CARMIL1: variants seen among roughly 807,000 people sequenced by gnomAD.
The protein encoded by CARMIL1 is F-actin-uncapping protein LRRC16A.
Under a neutral mutation model 177.1 loss-of-function variants are expected in CARMIL1, and 90 were observed. The observed-to-expected ratio is 0.51, with a 90% CI of 0.43 to 0.61. The LOEUF (loss-of-function observed/expected upper bound fraction) is 0.61. Among genes scored for constraint, CARMIL1 ranks in the 20% least tolerant of loss-of-function variants. CARMIL1 has a pLI of 0.00. For synonymous variants in CARMIL1, 577 were observed against 606.2 expected (o/e 0.95, Z 0.71); for missense variants, 1,380 against 1,667.0 (o/e 0.83, Z 3.00).
intron 3 of CARMIL1, among the ~76,000 whole-genome samples, chr6:25,425,623 G>A (rs1035549436): frequency 1.3e-5 from 2 of 152,118 alleles, no homozygotes; most frequent in African/African-American, 2.4e-5. Flanking sequence ...GGGAAAATCC[G>A]GGAAGAAAGA....
rs148458418 is a variant in CARMIL1 at position 25,484,785 on chromosome 6, A to T, written c.961+2442A>T. On this transcript the variant is annotated intron_variant, in intron 12 of 36. Coordinates refer to ENST00000329474, the MANE Select transcript of CARMIL1 (RefSeq NM_017640.6). Reference sequence around the variant, plus strand: ...CTGTTTATAGTGTTAATCTATTTTTAAAAAAGTTTATATGACTTGTGTACA... The same window carrying T: ...CTGTTTATAGTGTTAATCTATTTTTTAAAAAGTTTATATGACTTGTGTACA... 8.8e-3 allele frequency among the ~76,000 whole-genome samples: 1,343 copies of T among 152,316 alleles called. 16 individuals carry two copies. The highest frequency in any genetic ancestry group is 0.023 in the African/African-American group (949 of 41,566).
intron 26 of CARMIL1, 93 bp downstream of exon 26, chr6:25,540,171 T>G (rs1193803645): frequency 5.1e-6 from 6 of 1,185,630 alleles, no homozygotes; most frequent in Non-Finnish European, 6.8e-6. Context: ...TTTTATAGAC[T>G]TGTATGTGTG....
rs141115350 is a variant in CARMIL1, at chr6:25,343,032, A to C, written c.138+58123A>C. On this transcript the variant is annotated intron_variant, in intron 2 of 36. Transcript: ENST00000329474. ...CCTTCTAAAGCGCTCCAGCCTAAGC[A>C]TTGTTTCTTCTTGTTCTGATGTTTT... 2.5e-4 allele frequency among the ~76,000 whole-genome samples: 38 copies of C among 152,272 alleles called. No individual in the cohort carries two copies. The East Asian group carries it at 6.6e-3, about 26-fold the overall frequency.
intron 1 of CARMIL1, among the ~76,000 whole-genome samples, chr6:25,284,244 CTTTTA>C (rs541405669): frequency 1.2e-3 from 185 of 152,184 alleles, no homozygotes; most frequent in African/African-American, 4.1e-3. Flanking sequence ...TTTGTTTTTT[CTTTTA>C]TATGTATCTT....
At chr6:25,562,951 C>T (rs1329319468) in intron 29 of CARMIL1, among the ~76,000 whole-genome samples, 2 of 152,170 alleles carry the variant, frequency 1.3e-5, no homozygotes, top group Non-Finnish European at 2.9e-5. Flanking sequence ...TAAACATGAA[C>T]TATATTAAAT....
At chr6:25,358,595 A>G (rs1223361078) in intron 2 of CARMIL1, among the ~76,000 whole-genome samples, 3 of 152,220 alleles carry the variant, frequency 2.0e-5, no homozygotes, top group African/African-American at 7.2e-5. Context: ...CATAAGGTAT[A>G]TATAAAGTGG....
At chr6:25,290,459 A>G (rs1222700782) in intron 2 of CARMIL1, among the ~76,000 whole-genome samples, 1 of 140,038 alleles carries the variant, frequency 7.1e-6, no homozygotes, top group Non-Finnish European at 1.5e-5. Flanking sequence ...CTTGTTTCCC[A>G]CAGTTCTGCT....
intron 3 of CARMIL1, among the ~76,000 whole-genome samples, chr6:25,421,189 T>C (rs1452659249): frequency 2.0e-5 from 3 of 152,200 alleles, no homozygotes; most frequent in Non-Finnish European, 4.4e-5. Flanking sequence ...CACAGTAACA[T>C]TGTAGATGAG....
rs756423507 is a variant in CARMIL1, at chr6:25,537,887, T to C, written c.2100T>C (p.Asp700=). 44 of 1,610,256 alleles carry C rather than the reference T, an allele frequency of 2.7e-5. No individual in the cohort carries two copies. The East Asian group carries it at 9.8e-4, about 36-fold the overall frequency. The change falls in exon 25 of 37, where the codon GAT becomes GAC. Residue 700 remains aspartate (D), a synonymous_variant. Coordinates refer to ENST00000329474, the MANE Select transcript of CARMIL1 (RefSeq NM_017640.6). ...MIDRICVKVQ[D]HLNSLRNCGG... is the part of the protein sequence containing the mutation. ...ACAGAATATGTGTGAAAGTACAAGA[T>C]CATCTCAACTCCTTACGAAATTGTG...
chr6:25,495,198 G>C lies in CARMIL1; in HGVS notation c.1308G>C (p.Leu436=). ...ACATCAACCTTTCAGGCACAAAACT[G>C]TCTCCTGAGCCCTTAAAGTGAGTGG... is the stretch of plus-strand genomic sequence containing the variant. ...LMHINLSGTK[L]SPEPLKALLL... is the part of the protein sequence containing the mutation. Residue 436 remains leucine (L), a synonymous_variant, in exon 16 of 37, where the codon CTG becomes CTC. Coordinates refer to ENST00000329474, the MANE Select transcript of CARMIL1 (RefSeq NM_017640.6). 6.2e-7 allele frequency: 1 copy of C among 1,611,440 alleles called. No homozygotes were observed. The highest frequency in any genetic ancestry group is 8.5e-7 in the Non-Finnish European group (1 of 1,178,468).
At chr6:25,478,989 T>G (rs1801840038) in intron 11 of CARMIL1, 1 of 436,908 alleles carries the variant, frequency 2.3e-6, no homozygotes, top group African/African-American at 2.0e-5. Context: ...TTCTGAACTC[T>G]CCAGGAAAGT....
At chr6:25,313,526 C>T (rs1161507014) in intron 2 of CARMIL1, among the ~76,000 whole-genome samples, 1 of 151,618 alleles carries the variant, frequency 6.6e-6, no homozygotes, top group African/African-American at 2.4e-5. Flanking sequence ...GAGCACTGAG[C>T]CTACAACCTA....
chr6:25,548,492 G>A (rs563264482), intron 26 of CARMIL1, among the ~76,000 whole-genome samples: 1 of 152,248 alleles, frequency 6.6e-6, no homozygotes, highest in Non-Finnish European at 1.5e-5. Context: ...CATATGTATT[G>A]TATAGGTGAT....
intron 22 of CARMIL1, 34 bp downstream of exon 22, chr6:25,517,449 T>A (rs755220517): frequency 1.3e-6 from 2 of 1,562,700 alleles, no homozygotes; most frequent in African/African-American, 1.4e-5. Flanking sequence ...TCTAGGAAAA[T>A]AAAAAAACAA....
Position 25,491,949 on chromosome 6 carries a change from T to A in CARMIL1, c.1145T>A (p.Val382Asp). 3 of 1,613,388 alleles carry A rather than the reference T, an allele frequency of 1.9e-6. No individual in the cohort carries two copies. The highest frequency in any genetic ancestry group is 2.5e-6 in the Non-Finnish European group (3 of 1,179,554). The part of the protein sequence containing the change: ...LSNTECSLDM[V>D]CGALLRGCLQ... ...AAGAGTGCCTTATTTCTTTTTCAGG[T>A]CTGTGGAGCTCTTCTCCGTGGATGC... Residue 382 changes from valine to aspartate, a missense_variant and splice_region_variant, in exon 15 of 37, where the codon GTC (valine) becomes GAC (aspartate). Transcript: ENST00000329474.
intron 2 of CARMIL1, among the ~76,000 whole-genome samples, chr6:25,294,882 AC>A (rs1782269854): frequency 6.6e-6 from 1 of 152,140 alleles, no homozygotes; most frequent in African/African-American, 2.4e-5. Context: ...AATTAAACAG[AC>A]TTTCTCAGTC....
At chr6:25,339,867 A>G (rs1786718304) in intron 2 of CARMIL1, among the ~76,000 whole-genome samples, 1 of 152,206 alleles carries the variant, frequency 6.6e-6, no homozygotes, top group African/African-American at 2.4e-5. Context: ...GGTGTAATAT[A>G]AAATACTTCA....
At chr6:25,606,932 A>G (rs936462495) in intron 35 of CARMIL1, among the ~76,000 whole-genome samples, 7 of 152,202 alleles carry the variant, frequency 4.6e-5, no homozygotes, top group African/African-American at 1.4e-4. Context: ...AGAAAATCTA[A>G]TGATAGAAGA....
chr6:25,563,439 T>TAAAGAGGAAGACAATGGGAAGCCC, intron 29 of CARMIL1: 1 of 985,404 alleles, frequency 1.0e-6, no homozygotes, highest in Non-Finnish European at 1.2e-6. Flanking sequence ...AGAACCTGCC[T>TAAAGAGGAAGACAATGGGAAGCCC]AAAGAGGAAG....
Sources: gnomAD v4.1 joint callset for allele counts (sites outside exome capture counted in the v4.1 genomes callset) on GRCh38, gnomAD v4.1.1 for gene constraint, MANE v1.5 for transcripts, NCBI Gene and HGNC (gene_info 2026-07-23, HGNC 2026-07-21) for gene names.